The following SCN1A variants were observed in gnomAD, a reference collection of about 807,000 sequenced individuals.
The protein encoded by SCN1A is sodium channel protein type 1 subunit alpha.
Under a neutral mutation model 193.7 loss-of-function variants are expected in SCN1A, and 13 were observed. The observed-to-expected ratio is 0.07, with a 90% confidence interval of 0.04 to 0.11. SCN1A has a LOEUF of 0.11. SCN1A is among the 10% of genes least tolerant of loss of function. SCN1A has a pLI of 1.00. For missense variants in SCN1A, 1,432 were observed against 2,451.1 expected, an observed-to-expected ratio of 0.58 and a Z score of 8.78; for synonymous variants, 781 against 843.6, an observed-to-expected ratio of 0.93 and a Z score of 1.29.
chr2:166,048,761 A>G, intron 10 of SCN1A, 125 bp downstream of exon 10: 2 of 697,260 alleles, frequency 2.9e-6, no homozygotes, highest in Admixed American at 2.3e-5. Flanking sequence ...AACCTTACAT[A>G]TAGCAAATTA....
intron 3 of SCN1A, among the ~76,000 whole-genome samples, chr2:166,076,391 GAAC>G (rs1684987476): frequency 6.6e-6 from 1 of 151,832 alleles, no homozygotes; most frequent in Admixed American, 6.6e-5. Context: ...AGAGATCAAA[GAAC>G]AACTAAATAA....
intron 7 of SCN1A, 42 bp downstream of exon 7, chr2:166,054,596 C>T (rs762451819): frequency 1.2e-6 from 2 of 1,608,374 alleles, no homozygotes; most frequent in Non-Finnish European, 1.7e-6. Context: ...TGATGGAAAA[C>T]CAAACTATGT....
intron 9 of SCN1A, among the ~76,000 whole-genome samples, chr2:166,049,959 A>G (rs368639804): frequency 2.0e-5 from 3 of 152,036 alleles, no homozygotes; most frequent in Non-Finnish European, 4.4e-5. Context: ...GTAAGAAGAT[A>G]TATTTTCTAG....
intron 2 of SCN1A, among the ~76,000 whole-genome samples, chr2:166,122,868 G>A (rs1463622750): frequency 6.6e-6 from 1 of 152,172 alleles, no homozygotes; most frequent in Non-Finnish European, 1.5e-5. Flanking sequence ...AAAGAAAAAA[G>A]TTAGAGTAGA....
At chr2:166,060,447 C>T (rs13398150) in intron 4 of SCN1A, 13 of 151,888 alleles carry the variant, frequency 8.6e-5, no homozygotes, top group African/African-American at 2.9e-4. Flanking sequence ...GAGCATGTAA[C>T]GACACAGAAA....
At chr2:166,084,071 G>A (rs922389417) in intron 2 of SCN1A, among the ~76,000 whole-genome samples, 1 of 152,098 alleles carries the variant, frequency 6.6e-6, no homozygotes, top group African/African-American at 2.4e-5. Context: ...CTAGCAATGA[G>A]AGAGGCACTG....
intron 19 of SCN1A, among the ~76,000 whole-genome samples, chr2:166,023,791 T>C (rs1056191867): frequency 6.6e-6 from 1 of 151,906 alleles, no homozygotes; most frequent in Admixed American, 6.6e-5. Flanking sequence ...GTTTTTTTTT[T>C]TGATACGGAG....
Position 166,127,932 on chromosome 2 carries a change from A to G in SCN1A, c.-390T>C, listed in dbSNP as rs772894342. ...TCTCACTGGGGCAGAACACACAGAC[A>G]CACAAACACACACAAACGCACACAT... is the stretch of plus-strand genomic sequence containing the variant. On this transcript the variant is annotated 5_prime_UTR_variant, in exon 1 of 29. Coordinates refer to ENST00000674923, the MANE Select transcript of SCN1A (RefSeq NM_001165963.4). The G allele has an allele frequency of 1.3e-5, 2 of 152,008 alleles. No individual in the cohort carries two copies. Among genetic ancestry groups the G allele is most frequent in the Non-Finnish European group, 2.9e-5 (2 of 68,060 alleles). 9.4% of individuals were successfully genotyped at this position (152,008 alleles called of 1,614,324 possible). A position where few individuals can be genotyped will look rare whatever the true frequency, so the allele number is the denominator to read the frequency against.
At chr2:166,104,438 G>A (rs1042469908) in intron 2 of SCN1A, 3 of 152,148 alleles carry the variant, frequency 2.0e-5, no homozygotes, top group African/African-American at 7.2e-5. Context: ...AATAATGATT[G>A]TGGTGGTTTA....
At chr2:166,066,161 T>C (rs1223601608) in intron 4 of SCN1A, among the ~76,000 whole-genome samples, 1 of 152,156 alleles carries the variant, frequency 6.6e-6, no homozygotes, top group African/African-American at 2.4e-5. Flanking sequence ...CAGCCAAGGC[T>C]GCAGAGCCCT....
chr2:166,141,407 A>G (rs10930207), intron 1 of SCN1A, among the ~76,000 whole-genome samples: 6,189 of 152,136 alleles, frequency 0.041, 712 homozygotes, highest in Admixed American at 0.24. Flanking sequence ...ACATTGTACC[A>G]GACACCAGGC....
intron 2 of SCN1A, among the ~76,000 whole-genome samples, chr2:166,089,795 C>A (rs917591956): frequency 3.3e-5 from 5 of 152,010 alleles, no homozygotes; most frequent in Non-Finnish European, 7.4e-5. Context: ...ATGAGAGGAA[C>A]CAGTGTTGGG....
intron 20 of SCN1A, 29 bp downstream of exon 20, chr2:166,015,578 A>G (rs1296959848): frequency 1.2e-6 from 2 of 1,611,568 alleles, no homozygotes; most frequent in South Asian, 2.2e-5. Flanking sequence ...CTCCAAATGA[A>G]AGATTAACAT....
chr2:166,132,248 A>T (rs1691690157), upstream of SCN1A, among the ~76,000 whole-genome samples: 2 of 152,224 alleles, frequency 1.3e-5, no homozygotes, highest in African/African-American at 4.8e-5. Flanking sequence ...GGACCACTGT[A>T]TCACTACAAA....
intron 19 of SCN1A, among the ~76,000 whole-genome samples, chr2:166,018,625 C>A (rs1442546831): frequency 6.6e-6 from 1 of 151,894 alleles, no homozygotes; most frequent in Non-Finnish European, 1.5e-5. Flanking sequence ...CACAAAAAAA[C>A]CTGAGTTTTA....
intron 2 of SCN1A, among the ~76,000 whole-genome samples, chr2:166,115,152 G>A (rs769075059): frequency 2.0e-5 from 3 of 152,128 alleles, no homozygotes; most frequent in Non-Finnish European, 4.4e-5. Flanking sequence ...GAGGTCAGGA[G>A]TTCAAGACCA....
At position 166,045,309 on chromosome 2, in the gene SCN1A, C is replaced by T. The variant is rs762652516; in HGVS notation, c.1396G>A (p.Ala466Thr). 5.0e-6 allele frequency: 8 copies of T among 1,614,042 alleles called. No homozygotes were observed. The change falls in exon 13 of 29, where the codon GCC becomes ACC. Residue 466 changes from alanine (A) to threonine (T), a missense_variant. Around this residue, in one of 18 missense-constraint regions of SCN1A, gnomAD observed 58 missense variants for 103.4 expected, o/e 0.56. Coordinates refer to ENST00000674923, the MANE Select transcript of SCN1A (RefSeq NM_001165963.4). ...EAAQQAATATASEHSREPSAA... is the reference protein window; with the variant it reads ...EAAQQAATATTSEHSREPSAA... ...CTGGGCTCTCTGGAATGTTCTGAGGCAGTTGCCGTTGCTGCCTGCTATATT... is the reference window on the plus strand; with the variant it reads ...CTGGGCTCTCTGGAATGTTCTGAGGTAGTTGCCGTTGCTGCCTGCTATATT...
intron 2 of SCN1A, among the ~76,000 whole-genome samples, chr2:166,098,511 C>G (rs1183600086): frequency 1.3e-5 from 2 of 152,084 alleles, no homozygotes; most frequent in African/African-American, 4.8e-5. Context: ...CCAGAGCAAC[C>G]AGGCAGGAGA....
In SCN1A at chr2:166,117,065, C is replaced by T. The variant is rs967433915; in HGVS notation, c.-142+9859G>A. ...AAAATAATAATTTTCTCTTGAAAGGCCAAATTTTGTCACTGACAACAAATA... is the reference window on the plus strand; with the variant it reads ...AAAATAATAATTTTCTCTTGAAAGGTCAAATTTTGTCACTGACAACAAATA... On this transcript the variant is annotated intron_variant, in intron 2 of 28. Coordinates refer to ENST00000674923, the MANE Select transcript of SCN1A (RefSeq NM_001165963.4). Among the ~76,000 whole-genome samples, 13 of 152,186 alleles carry T rather than the reference C, an allele frequency of 8.5e-5. No individual in the cohort carries two copies. The East Asian group carries it at 2.5e-3, about 29-fold the overall frequency.
Sources: allele counts gnomAD v4.1 joint callset (sites outside exome capture counted in the v4.1 genomes callset), GRCh38; gene constraint gnomAD v4.1.1; regional missense constraint gnomAD v4.1.1; transcripts MANE v1.5; gene names NCBI Gene and HGNC (gene_info 2026-07-23, HGNC 2026-07-21).